The following TMC2 variants were observed in gnomAD, a reference collection of about 807,000 sequenced individuals.
The protein encoded by TMC2 is transmembrane channel-like protein 2.
A neutral mutation model predicts 105.9 loss-of-function variants in TMC2; 102 were observed. The observed-to-expected ratio is 0.96, with a 90% CI of 0.82 to 1.14. The LOEUF is 1.14. Ranked by LOEUF, TMC2 falls within the 50% of genes most tolerant of loss-of-function variation. The pLI is 0.00. For missense variants in TMC2, 1,093 were observed against 1,134.3 expected (o/e 0.96, Z 0.52); for synonymous variants, 402 against 422.8 (o/e 0.95, Z 0.60).
rs2086295266 is a variant in TMC2 at position 2,594,982 on chromosome 20, C to T, written c.1076+15C>T. 6.2e-7 allele frequency: 1 copy of T among 1,609,476 alleles called. No individual in the cohort carries two copies. Among genetic ancestry groups the T allele is most frequent in the Non-Finnish European group, 8.5e-7 (1 of 1,177,602 alleles). On this transcript the variant is annotated intron_variant, in intron 9 of 19. Coordinates refer to ENST00000358864, the MANE Select transcript of TMC2 (RefSeq NM_080751.3). ...GTCATTCGATCGTAAGTATGACCGT[C>T]TCATCCGCAGGCTTTGACTTCACAG...
chr20:2,574,927 T>C (rs73585309), intron 5 of TMC2, among the ~76,000 whole-genome samples: 18,142 of 152,102 alleles, frequency 0.12, 1,327 homozygotes, highest in African/African-American at 0.2. Context: ...TGTTTCACCA[T>C]GTTGGCCAGG....
At chr20:2,574,201 A>AT (rs1316625538) in intron 5 of TMC2, among the ~76,000 whole-genome samples, 14 of 151,742 alleles carry the variant, frequency 9.2e-5, no homozygotes, top group Admixed American at 2.0e-4. Context: ...TATGTTATTA[A>AT]TTTTTTTTTA....
chr20:2,606,257 T>A (rs955931303), intron 11 of TMC2, among the ~76,000 whole-genome samples: 8 of 152,200 alleles, frequency 5.3e-5, no homozygotes, highest in African/African-American at 1.7e-4. Flanking sequence ...AGTGTATTTA[T>A]TTATTTATTT....
At chr20:2,541,938 C>A (rs2085892624) in intron 2 of TMC2, among the ~76,000 whole-genome samples, 1 of 152,008 alleles carries the variant, frequency 6.6e-6, no homozygotes, top group Non-Finnish European at 1.5e-5. Context: ...AGTAACTTAC[C>A]TGTTCATAAG....
At chr20:2,569,032 C>A (rs2122850892) in intron 4 of TMC2, among the ~76,000 whole-genome samples, 1 of 152,306 alleles carries the variant, frequency 6.6e-6, no homozygotes, top group South Asian at 2.1e-4. Flanking sequence ...CTTCTTCCAT[C>A]TGCCCTAAGA....
chr20:2,637,184 T>C (rs1216048866), intron 18 of TMC2, among the ~76,000 whole-genome samples: 2 of 147,818 alleles, frequency 1.4e-5, no homozygotes, highest in African/African-American at 5.0e-5. Context: ...AAGTCAGGAG[T>C]TGAAGACCAG....
intron 11 of TMC2, among the ~76,000 whole-genome samples, chr20:2,609,763 T>A (rs965742647): frequency 3.9e-5 from 6 of 151,922 alleles, no homozygotes; most frequent in Admixed American, 2.0e-4. Context: ...TGAGAGAGAG[T>A]GGGATAGTCA....
At chr20:2,567,360 C>G (rs550610559) in intron 4 of TMC2, among the ~76,000 whole-genome samples, 1 of 152,276 alleles carries the variant, frequency 6.6e-6, no homozygotes, top group Non-Finnish European at 1.5e-5. Context: ...ATAGCAATGT[C>G]AGAGGAGGCC....
intron 13 of TMC2, 30 bp downstream of exon 13, chr20:2,612,370 C>T (rs779856264): frequency 6.7e-7 from 1 of 1,493,364 alleles, no homozygotes; most frequent in East Asian, 2.4e-5. Flanking sequence ...AAAAAGGTGA[C>T]CCCTGTTCTC....
chr20:2,608,300 TTTATTATTATTATTATTATTA>T (rs61608674), intron 11 of TMC2, among the ~76,000 whole-genome samples: 11 of 134,598 alleles, frequency 8.2e-5, no homozygotes, highest in African/African-American at 8.1e-5. Flanking sequence ...CTTATTTTTA[TTTATTATTATTATTATTATTA>T]TTATTATTAT....
chr20:2,558,165 A>T lies in TMC2; in HGVS notation c.83-291A>T. The T allele has an allele frequency of 2.0e-6, 1 of 499,120 alleles. No homozygotes were observed. The highest frequency in any genetic ancestry group is 3.4e-6 in the Non-Finnish European group (1 of 296,378). 30.9% of individuals were successfully genotyped at this position (499,120 alleles called of 1,614,324 possible). On this transcript the variant is annotated intron_variant, in intron 2 of 19. Coordinates refer to ENST00000358864, the MANE Select transcript of TMC2 (RefSeq NM_080751.3). The surrounding 1 kb of genome is among the most constrained non-coding windows in gnomAD (Gnocchi z 4.6). ...CGATTCCTCTTGGCCTCTCTGTGTG[A>T]CTTTCCTTTCCTTGGGTATAGGGCA... is the stretch of plus-strand genomic sequence containing the variant.
At chr20:2,614,335 G>A (rs2086464846) in intron 14 of TMC2, among the ~76,000 whole-genome samples, 1 of 152,172 alleles carries the variant, frequency 6.6e-6, no homozygotes, top group African/African-American at 2.4e-5. Context: ...GCCAGGTATG[G>A]TGGCTCACAC....
rs150846763 is a variant in TMC2, at chr20:2,638,068, G to A, written c.2503+477G>A. ...AGTTATATAAAAGTCTAGGCCGGGC[G>A]TGGTGGCTCACGCCTGCAATCCCAG... On this transcript the variant is annotated intron_variant, in intron 19 of 19. Coordinates refer to ENST00000358864, the MANE Select transcript of TMC2 (RefSeq NM_080751.3). Among the ~76,000 whole-genome samples, 114 of 152,314 alleles carry A rather than the reference G, an allele frequency of 7.5e-4. 1 individual carries two copies. The Middle Eastern group carries it at 0.017, about 23-fold the overall frequency.
At chr20:2,641,031 T>C (rs1406649620) in intron 19 of TMC2, 103 bp from the exon 20 acceptor site, 5 of 978,038 alleles carry the variant, frequency 5.1e-6, no homozygotes, top group Non-Finnish European at 7.9e-6. Context: ...CATCACCAAA[T>C]AGGACTAAAA....
chr20:2,635,602 C>T (rs184858410), intron 17 of TMC2, among the ~76,000 whole-genome samples: 7 of 152,318 alleles, frequency 4.6e-5, no homozygotes, highest in Non-Finnish European at 7.3e-5. Flanking sequence ...GCCCAGGAAA[C>T]GTGACCAGCT....
intron 11 of TMC2, among the ~76,000 whole-genome samples, chr20:2,605,404 C>T (rs1600125761): frequency 6.6e-6 from 1 of 152,188 alleles, no homozygotes; most frequent in Non-Finnish European, 1.5e-5. Flanking sequence ...GGTTTGCTTT[C>T]CCCTGAGGCT....
chr20:2,559,855 C>T (rs190430934), intron 3 of TMC2, among the ~76,000 whole-genome samples: 1 of 152,238 alleles, frequency 6.6e-6, no homozygotes, highest in Non-Finnish European at 1.5e-5. Flanking sequence ...TTGATGGGCC[C>T]TGGGTGCCCT....
chr20:2,608,752 G>T (rs1568522894), intron 11 of TMC2, among the ~76,000 whole-genome samples: 1 of 152,162 alleles, frequency 6.6e-6, no homozygotes, highest in Non-Finnish European at 1.5e-5. Flanking sequence ...TTTCAGGTAT[G>T]AGTTTAAATG....
At chr20:2,544,003 G>A (rs1216220796) in intron 2 of TMC2, among the ~76,000 whole-genome samples, 2 of 150,666 alleles carry the variant, frequency 1.3e-5, no homozygotes, top group African/African-American at 4.9e-5. Context: ...CTGGGTTCAA[G>A]CGATTCTCAT....
Sources: gnomAD v4.1 joint callset for allele counts (sites outside exome capture counted in the v4.1 genomes callset) on GRCh38, gnomAD v4.1.1 for gene constraint, Gnocchi (gnomAD v3.1) non-coding constraint, MANE v1.5 for transcripts, NCBI Gene and HGNC (gene_info 2026-07-23, HGNC 2026-07-21) for gene names.